ATP1A2: variants seen among roughly 807,000 people sequenced by gnomAD.
ATP1A2 encodes ATPase Na+/K+ transporting subunit alpha 2.
Under a neutral mutation model 113.1 loss-of-function variants are expected in ATP1A2, and 56 were observed. The ratio of observed to expected loss-of-function variants is 0.49; its 90% confidence interval spans 0.40 to 0.62. ATP1A2 has a LOEUF of 0.62. Among genes scored for constraint, ATP1A2 ranks in the 20% least tolerant of loss-of-function variants. The probability of loss-of-function intolerance (pLI) is 0.00; values close to 1 mark genes in which losing one functional copy is unlikely to be tolerated. For synonymous variants in ATP1A2, 490 were observed against 526.8 expected (o/e 0.93, Z 0.96); for missense variants, 712 against 1,357.8 (o/e 0.52, Z 7.47).
At chr1:160,119,004 C>G (rs944438543) in intron 1 of ATP1A2, among the ~76,000 whole-genome samples, 3 of 151,810 alleles carry the variant, frequency 2.0e-5, no homozygotes, top group South Asian at 4.2e-4. Context: ...AGAATGTACA[C>G]CAAGAGTGAA....
intron 13 of ATP1A2, among the ~76,000 whole-genome samples, chr1:160,132,916 A>T (rs1651814470): frequency 6.6e-6 from 1 of 152,148 alleles, no homozygotes; most frequent in African/African-American, 2.4e-5. Flanking sequence ...ATTTAGGCAC[A>T]AGAGGAACCA....
At chr1:160,128,451 CT>C (rs1262689782) in intron 8 of ATP1A2, 200 bp from the exon 9 acceptor site, 1 of 1,492,490 alleles carries the variant, frequency 6.7e-7, no homozygotes, top group African/African-American at 1.4e-5. Flanking sequence ...CTTAAACCCC[CT>C]AATGGGCATT....
chr1:160,117,663 T>C (rs1478279603), intron 1 of ATP1A2, among the ~76,000 whole-genome samples: 1 of 152,146 alleles, frequency 6.6e-6, no homozygotes, highest in Admixed American at 6.5e-5. Context: ...GGGATGATTT[T>C]TCCTCCAATC....
rs1416328148 is a variant in ATP1A2 at position 160,121,178 on chromosome 1, C to G, written c.118-14C>G. The G allele has an allele frequency of 6.2e-7, 1 of 1,614,154 alleles. No individual in the cohort carries two copies. Among genetic ancestry groups the G allele is most frequent in the African/African-American group, 1.3e-5 (1 of 75,040 alleles). The stretch of plus-strand genomic sequence containing the variant: ...ATACCTCCTCCCCAAAGTAACTCAC[C>G]CTCCCTTCCCCAGGATGACCACAAG... On this transcript the variant is annotated splice_polypyrimidine_tract_variant and intron_variant, in intron 2 of 22. Transcript: ENST00000361216.
chr1:160,139,440 C>T (rs557954833), intron 20 of ATP1A2, among the ~76,000 whole-genome samples, 200 bp from the exon 21 acceptor site: 67 of 152,332 alleles, frequency 4.4e-4, no homozygotes, highest in African/African-American at 1.4e-3. Context: ...AGACAACATT[C>T]GGACGTAAAC....
intron 1 of ATP1A2, among the ~76,000 whole-genome samples, chr1:160,117,138 G>A (rs149814737): frequency 5.9e-5 from 9 of 152,266 alleles, no homozygotes; most frequent in African/African-American, 1.9e-4. Context: ...CTGTGAGCCT[G>A]CCCTTAGGAG....
chr1:160,141,469 C>T lies in ATP1A2; in HGVS notation c.*147C>T, dbSNP rs574763789. ...TGAGGCAACTCAGCAGGCTAAGTTGCGGGGTATATAAATTGGGGTGATGAC... is the reference window on the plus strand; with the variant it reads ...TGAGGCAACTCAGCAGGCTAAGTTGTGGGGTATATAAATTGGGGTGATGAC... On this transcript the variant is annotated 3_prime_UTR_variant, in exon 23 of 23. Transcript: ENST00000361216. The T allele has an allele frequency of 9.3e-5, 95 of 1,019,602 alleles. 1 individual carries two copies. Among genetic ancestry groups the T allele is most frequent in the Middle Eastern group, 2.5e-4 (1 of 4,000 alleles). The allele number at this position is 1,019,602 out of a possible 1,614,324, so 63.2% of individuals were successfully genotyped here. A position where few individuals can be genotyped will look rare whatever the true frequency, so the allele number is the denominator to read the frequency against.
In ATP1A2 at chr1:160,127,582, G is replaced by A. The variant is rs1162005929; in HGVS notation, c.779G>A (p.Gly260Glu). The A allele has an allele frequency of 1.9e-6, 3 of 1,614,282 alleles. No homozygotes were observed. The highest frequency in any genetic ancestry group is 2.5e-6 in the Non-Finnish European group (3 of 1,180,052). The change falls in exon 8 of 23, where the codon GGA becomes GAA. Residue 260 changes from glycine to glutamate, a missense_variant. Gly to Glu is a moderately conservative substitution (Grantham distance 98, BLOSUM62 -2). Transcript: ENST00000361216. The part of the protein sequence containing the change: ...GTARGIVIAT[G>E]DRTVMGRIAT... The stretch of plus-strand genomic sequence containing the variant: ...GCCAGGGGCATTGTGATTGCCACAG[G>A]AGACCGGACGGTGATGGGCCGCATA...
At chr1:160,130,376 GGA>G in intron 12 of ATP1A2, 44 bp from the exon 13 acceptor site, 1 of 1,614,166 alleles carries the variant, frequency 6.2e-7, no homozygotes, top group Non-Finnish European at 8.5e-7. Context: ...GGGGCGTCCA[GGA>G]AGCCACTCTG....
intron 1 of ATP1A2, 109 bp downstream of exon 1, chr1:160,115,982 G>A: frequency 6.7e-7 from 1 of 1,501,314 alleles, no homozygotes; most frequent in Non-Finnish European, 9.1e-7. Flanking sequence ...GGAGCTGAGT[G>A]GGATACTTGG....
In ATP1A2 at chr1:160,119,256, C is replaced by CAAAAAAAAAAAAAAAAAAAAAAAAAAA. The variant is rs386368465; in HGVS notation, c.13-1649_13-1623dup. ...AAACCCCCAAAACTGCATTATCCTG[C>CAAAAAAAAAAAAAAAAAAAAAAAAAAA]AAAAAAAAAAAAAAAAAAAAAAAAA... On this transcript the variant is annotated intron_variant, in intron 1 of 22. Coordinates refer to ENST00000361216, the MANE Select transcript of ATP1A2 (RefSeq NM_000702.4). Among the ~76,000 whole-genome samples the CAAAAAAAAAAAAAAAAAAAAAAAAAAA allele has an allele frequency of 4.0e-4, 20 of 49,430 alleles. 4 individuals are homozygous for CAAAAAAAAAAAAAAAAAAAAAAAAAAA. The highest frequency in any genetic ancestry group is 7.8e-4 in the East Asian group (1 of 1,282). 32.4% of individuals were successfully genotyped at this position (49,430 alleles called of 152,430 possible). A position where few individuals can be genotyped will look rare whatever the true frequency, so the allele number is the denominator to read the frequency against.
chr1:160,138,907 C>T (rs1309528343), intron 20 of ATP1A2, among the ~76,000 whole-genome samples: 1 of 152,090 alleles, frequency 6.6e-6, no homozygotes, highest in Admixed American at 6.6e-5. Flanking sequence ...CAGAACATTG[C>T]AGAGCTTTTC....
Position 160,136,617 on chromosome 1 carries a change from G to A in ATP1A2, c.2611G>A (p.Ala871Thr). 1.2e-6 allele frequency: 2 copies of A among 1,614,224 alleles called. No homozygotes were observed. Among genetic ancestry groups the A allele is most frequent in the Non-Finnish European group, 1.7e-6 (2 of 1,180,040 alleles). Residue 871 changes from alanine to threonine, a missense_variant, in exon 19 of 23, where the codon GCA becomes ACA. Ala to Thr is a moderately conservative substitution (Grantham distance 58, BLOSUM62 0). Around this residue, in one of 6 missense-constraint regions of ATP1A2, gnomAD observed 188 missense variants for 438.9 expected, o/e 0.43. Transcript: ENST00000361216. ...GGFFTYFVIL[A>T]ENGFLPSRLL... ...CTTCTTCACCTACTTTGTGATCCTG[G>A]CAGAGAACGGTTTCCTGCCATCACG... is the stretch of plus-strand genomic sequence containing the variant.
At chr1:160,129,563 T>C (rs992828207) in intron 11 of ATP1A2, among the ~76,000 whole-genome samples, 163 bp downstream of exon 11, 1 of 152,030 alleles carries the variant, frequency 6.6e-6, no homozygotes, top group Non-Finnish European at 1.5e-5. Context: ...GCATGTCTGA[T>C]TGCAACTAGC....
chr1:160,137,528 G>C, intron 20 of ATP1A2, among the ~76,000 whole-genome samples: 1 of 152,160 alleles, frequency 6.6e-6, no homozygotes, highest in African/African-American at 2.4e-5. Context: ...TATGAGGTGG[G>C]TATTACTGTT....
chr1:160,128,897 G>A (rs1051994377), intron 9 of ATP1A2, 47 bp downstream of exon 9: 8 of 1,611,558 alleles, frequency 5.0e-6, no homozygotes, highest in Non-Finnish European at 6.8e-6. Context: ...AGGAGGCTGA[G>A]GGCAGTGGCG....
chr1:160,134,830 T>C (rs1651884723), intron 14 of ATP1A2, among the ~76,000 whole-genome samples: 1 of 152,182 alleles, frequency 6.6e-6, no homozygotes, highest in South Asian at 2.1e-4. Context: ...CACATTCCCT[T>C]CCTGAGCCTC....
intron 5 of ATP1A2, 102 bp from the exon 6 acceptor site, chr1:160,124,194 T>A: frequency 1.3e-6 from 2 of 1,551,304 alleles, no homozygotes; most frequent in Non-Finnish European, 1.7e-6. Flanking sequence ...CACCTAATTG[T>A]TTATGGGGCT....
Position 160,130,144 on chromosome 1 carries a change from C to G in ATP1A2, c.1504C>G (p.Leu502Val). Residue 502 changes from leucine to valine, a missense_variant, in exon 12 of 23, where the codon CTG (leucine) becomes GTG (valine). Leu to Val is a conservative substitution (Grantham distance 32). Transcript: ENST00000361216. ...EREDSPQSHV[L>V]VMKGAPERIL... ...AGAAGACAGCCCCCAGAGCCACGTGCTGGTGATGAAGGGGGCCCCAGAGCG... is the reference window on the plus strand; with the variant it reads ...AGAAGACAGCCCCCAGAGCCACGTGGTGGTGATGAAGGGGGCCCCAGAGCG... 6.2e-7 allele frequency: 1 copy of G among 1,614,226 alleles called. No homozygotes were observed.
Sources: gnomAD v4.1 joint callset for allele counts (sites outside exome capture counted in the v4.1 genomes callset) on GRCh38, gnomAD v4.1.1 for gene constraint, gnomAD v4.1.1 regional missense constraint, MANE v1.5 for transcripts, NCBI Gene and HGNC (gene_info 2026-07-23, HGNC 2026-07-21) for gene names.